The following SSU72 variants were observed in gnomAD, a reference collection of about 807,000 sequenced individuals.
SSU72 encodes SSU72 homolog, RNA polymerase II CTD phosphatase.
In SSU72, 12 loss-of-function variants were observed where a neutral mutation model predicts 22.7. The ratio of observed to expected loss-of-function variants is 0.53; its 90% CI spans 0.34 to 0.86. SSU72 has a LOEUF of 0.86. Ranked by LOEUF, SSU72 falls within the 40% of genes least tolerant of loss-of-function variation. The pLI is 0.02. For missense variants in SSU72, 151 were observed against 249.8 expected (o/e 0.60, Z 2.67); for synonymous variants, 116 against 98.3 (o/e 1.18, Z -1.06).
At chr1:1,563,533 A>G (rs373360267) in intron 2 of SSU72, 32 of 102,592 alleles carry the variant, frequency 3.1e-4, no homozygotes, top group African/African-American at 1.6e-3. Flanking sequence ...CTCTGACTCC[A>G]TCTCAAAAAA....
intron 1 of SSU72, among the ~76,000 whole-genome samples, chr1:1,567,898 G>A (rs1036272126): frequency 8.7e-5 from 10 of 114,638 alleles, no homozygotes; most frequent in Non-Finnish European, 1.4e-4. Context: ...GGGAAACAGA[G>A]CGATACTCTG....
At chr1:1,565,016 A>C (rs1642640873) in intron 1 of SSU72, 100 bp from the exon 2 acceptor site, 3 of 1,440,950 alleles carry the variant, frequency 2.1e-6, no homozygotes, top group Non-Finnish European at 2.8e-6. Context: ...GAGTAATTTC[A>C]TTGGCTCATA....
At position 1,574,582 on chromosome 1, in the gene SSU72, T is replaced by C; in HGVS notation, c.-25A>G. 1 of 1,577,148 alleles carries C rather than the reference T, an allele frequency of 6.3e-7. No homozygotes were observed. Among genetic ancestry groups the C allele is most frequent in the Non-Finnish European group, 8.6e-7 (1 of 1,164,998 alleles). ...TGGCGGCGGCCGCAAATCCCGCGGC[T>C]CTCCCGCTTGGGTTCCCACCCTACC... On this transcript the variant is annotated 5_prime_UTR_variant, in exon 1 of 5. Coordinates refer to ENST00000291386, the MANE Select transcript of SSU72 (RefSeq NM_014188.3).
intron 1 of SSU72, among the ~76,000 whole-genome samples, chr1:1,565,351 C>T (rs568300383): frequency 3.7e-4 from 57 of 152,266 alleles, no homozygotes; most frequent in African/African-American, 1.3e-3. Flanking sequence ...CCAGCCTGGG[C>T]GACAGGCTGT....
chr1:1,567,005 C>G (rs934150586), intron 1 of SSU72, among the ~76,000 whole-genome samples: 1 of 152,216 alleles, frequency 6.6e-6, no homozygotes, highest in Non-Finnish European at 1.5e-5. Flanking sequence ...GCCTTTCTCA[C>G]AGACACTGGC....
intron 2 of SSU72, among the ~76,000 whole-genome samples, chr1:1,556,467 G>A (rs1642522678): frequency 6.6e-6 from 1 of 152,130 alleles, no homozygotes; most frequent in African/African-American, 2.4e-5. Flanking sequence ...CTTGAACCCA[G>A]GAAGTGGAGC....
rs377658436 is a variant in SSU72, at chr1:1,571,619, T to C, written c.80+2859A>G. 2.2e-3 allele frequency among the ~76,000 whole-genome samples: 328 copies of C among 152,276 alleles called. 2 individuals are homozygous for C. Among genetic ancestry groups the C allele is most frequent in the African/African-American group, 7.5e-3 (312 of 41,548 alleles). On this transcript the variant is annotated intron_variant, in intron 1 of 4. Transcript: ENST00000291386. Reference sequence around the variant, plus strand: ...TAAAAGCACACCCAAGAATTCATTATTCAGAGGTGCTCTCCGCTCCTTTTC... The same window carrying C: ...TAAAAGCACACCCAAGAATTCATTACTCAGAGGTGCTCTCCGCTCCTTTTC...
chr1:1,565,187 C>T (rs1327076967), intron 1 of SSU72, among the ~76,000 whole-genome samples: 2 of 152,118 alleles, frequency 1.3e-5, no homozygotes, highest in African/African-American at 4.8e-5. Context: ...TCCTGGCTAA[C>T]ACGGTGAAAA....
intron 1 of SSU72, among the ~76,000 whole-genome samples, chr1:1,571,223 C>G (rs12733331): frequency 8.3e-6 from 1 of 120,380 alleles, no homozygotes; most frequent in African/African-American, 3.1e-5. Flanking sequence ...CCAGCCTGGG[C>G]GACAGAGTGA....
chr1:1,574,446 G>GCGC (rs1642782458), intron 1 of SSU72, 32 bp downstream of exon 1: 1 of 1,574,596 alleles, frequency 6.4e-7, no homozygotes, highest in Admixed American at 1.8e-5. Context: ...CGCCGGAGCA[G>GCGC]AGCGCGCGGG....
rs1159037755 is a variant in SSU72 at position 1,542,962 on chromosome 1, G to A, written c.484-795C>T. On this transcript the variant is annotated intron_variant, in intron 4 of 4. Transcript: ENST00000291386. This position sits in a 1 kb window ranked among gnomAD's most constrained non-coding sequence, Gnocchi z 4.4. ...CAGCAGCTTCTCCCAGCGCCCGCCCGCCTGGCTCCCGGGCTTTCCAAACAC... is the reference window on the plus strand; with the variant it reads ...CAGCAGCTTCTCCCAGCGCCCGCCCACCTGGCTCCCGGGCTTTCCAAACAC... 1.3e-5 allele frequency among the ~76,000 whole-genome samples: 2 copies of A among 152,322 alleles called. No individual in the cohort carries two copies. The highest frequency in any genetic ancestry group is 1.9e-4 in the East Asian group (1 of 5,182).
At chr1:1,547,247 G>T (rs1271271834) in intron 2 of SSU72, among the ~76,000 whole-genome samples, 1 of 152,122 alleles carries the variant, frequency 6.6e-6, no homozygotes, top group Non-Finnish European at 1.5e-5. Flanking sequence ...CTGGGGATGG[G>T]ACTGGTGTCA....
chr1:1,557,480 A>G (rs1368917232), intron 2 of SSU72, among the ~76,000 whole-genome samples: 1 of 137,438 alleles, frequency 7.3e-6, no homozygotes, highest in Non-Finnish European at 1.5e-5. Flanking sequence ...GAACTATACT[A>G]TTCATCTGAA....
chr1:1,565,018 T>C lies in SSU72; in HGVS notation c.81-102A>G, dbSNP rs990410568. 6.3e-6 allele frequency: 9 copies of C among 1,427,176 alleles called. No individual in the cohort carries two copies. The African/African-American group carries it at 1.1e-4, about 18-fold the overall frequency. The allele number at this position is 1,427,176 out of a possible 1,614,324, so 88.4% of individuals were successfully genotyped here. A position where few individuals can be genotyped will look rare whatever the true frequency, so the allele number is the denominator to read the frequency against. On this transcript the variant is annotated intron_variant, in intron 1 of 4. Transcript: ENST00000291386. ...ATAGAAACAAAATGAGTAATTTCAT[T>C]GGCTCATAGTAGAGAATATGTCTTC...
In SSU72 at chr1:1,554,900, C is replaced by A. The variant is rs191514498; in HGVS notation, c.224+9873G>T. Among the ~76,000 whole-genome samples the A allele has an allele frequency of 6.6e-6, 1 of 152,122 alleles. No homozygotes were observed. Among genetic ancestry groups the A allele is most frequent in the African/African-American group, 2.4e-5 (1 of 41,434 alleles). ...GGCCCTCAGCCTCTCCTTTGCAAAC[C>A]GTGGCTGGCAGCAGAGACTTCCTTG... On this transcript the variant is annotated intron_variant, in intron 2 of 4. Coordinates refer to ENST00000291386, the MANE Select transcript of SSU72 (RefSeq NM_014188.3). This position sits in a 1 kb window ranked among gnomAD's most constrained non-coding sequence, Gnocchi z 4.1.
At chr1:1,550,493 C>G (rs1642443422) in intron 2 of SSU72, among the ~76,000 whole-genome samples, 1 of 152,216 alleles carries the variant, frequency 6.6e-6, no homozygotes, top group African/African-American at 2.4e-5. Flanking sequence ...TCCCAGACAC[C>G]AGCGGACACC....
chr1:1,542,003 G>A lies in SSU72; in HGVS notation c.*63C>T. On this transcript the variant is annotated 3_prime_UTR_variant, in exon 5 of 5. Transcript: ENST00000291386. The surrounding 1 kb of genome is among the most constrained non-coding windows in gnomAD (Gnocchi z 4.4). ...AGAACACCTGTAAGTAAAAACAAAT[G>A]TCAGGAAGGAAAAAGTATGAACAAC... 2 of 1,479,952 alleles carry A rather than the reference G, an allele frequency of 1.4e-6. No homozygotes were observed. Among genetic ancestry groups the A allele is most frequent in the Non-Finnish European group, 1.8e-6 (2 of 1,083,278 alleles). The allele number at this position is 1,479,952 out of a possible 1,614,324, so 91.7% of individuals were successfully genotyped here.
chr1:1,545,804 C>T (rs539813286), intron 2 of SSU72: 1 of 152,282 alleles, frequency 6.6e-6, no homozygotes, highest in Non-Finnish European at 1.5e-5. Flanking sequence ...ACAGAAGGTT[C>T]AGCAGCAATC....
rs7548693 is a variant in SSU72 at position 1,570,294 on chromosome 1, C to A, written c.80+4184G>T. ...CCTTACTCTGGCTTGAAAAAAAAAA[C>A]AAAAAAAAAAGGGAAAATGACAACA... On this transcript the variant is annotated intron_variant, in intron 1 of 4. Transcript: ENST00000291386. Among the ~76,000 whole-genome samples the A allele has an allele frequency of 1.4e-3, 201 of 143,402 alleles. 1 individual carries two copies. Among genetic ancestry groups the A allele is most frequent in the Admixed American group, 2.2e-3 (32 of 14,320 alleles). The allele number at this position is 143,402 out of a possible 152,430, so 94.1% of individuals were successfully genotyped here.
Sources: allele counts gnomAD v4.1 joint callset (sites outside exome capture counted in the v4.1 genomes callset), GRCh38; gene constraint gnomAD v4.1.1; non-coding constraint Gnocchi (gnomAD v3.1); transcripts MANE v1.5; gene names NCBI Gene and HGNC (gene_info 2026-07-23, HGNC 2026-07-21).